The following FSHR variants were observed in gnomAD, a reference collection of about 807,000 sequenced individuals.
The protein encoded by FSHR is follicle stimulating hormone receptor.
In FSHR, 46 loss-of-function variants were observed where a neutral mutation model predicts 52.1. The ratio of observed to expected loss-of-function variants is 0.88; its 90% CI spans 0.70 to 1.13. FSHR has a LOEUF of 1.13. Ranked by LOEUF, FSHR falls within the 50% of genes most tolerant of loss-of-function variation. FSHR has a pLI of 0.00. For missense variants in FSHR, 964 were observed against 834.6 expected (o/e 1.16, Z -1.91); for synonymous variants, 399 against 309.6 (o/e 1.29, Z -3.03).
chr2:48,976,704 G>A (rs1275025483), intron 8 of FSHR, among the ~76,000 whole-genome samples: 1 of 152,140 alleles, frequency 6.6e-6, no homozygotes, highest in Non-Finnish European at 1.5e-5. Flanking sequence ...TCCTGGATTA[G>A]TCTTGGAATG....
chr2:48,990,762 C>T (rs963099792), intron 4 of FSHR, 125 bp from the exon 5 acceptor site: 16 of 718,844 alleles, frequency 2.2e-5, no homozygotes, highest in East Asian at 1.0e-4. Context: ...GAGAAAAGCC[C>T]GTATATACGT....
intron 8 of FSHR, among the ~76,000 whole-genome samples, chr2:48,969,142 T>C (rs1181818743): frequency 1.3e-5 from 2 of 152,194 alleles, no homozygotes; most frequent in Non-Finnish European, 2.9e-5. Context: ...ACTTACATCC[T>C]GGCTAATTTG....
intron 1 of FSHR, among the ~76,000 whole-genome samples, chr2:49,105,449 C>G (rs1428087556): frequency 6.6e-6 from 1 of 152,002 alleles, no homozygotes; most frequent in African/African-American, 2.4e-5. Flanking sequence ...TTTCTTAATG[C>G]CTTAGAAAGT....
chr2:48,995,110 T>C (rs1190705730), intron 4 of FSHR, among the ~76,000 whole-genome samples: 2 of 152,186 alleles, frequency 1.3e-5, no homozygotes, highest in Non-Finnish European at 2.9e-5. Context: ...TGATGGGCTC[T>C]TATTTTTTCT....
At chr2:49,080,021 G>C (rs1003060836) in intron 1 of FSHR, among the ~76,000 whole-genome samples, 1 of 151,984 alleles carries the variant, frequency 6.6e-6, no homozygotes, top group Non-Finnish European at 1.5e-5. Flanking sequence ...AAACAACCCA[G>C]TAGAAAAATT....
chr2:49,065,108 T>C (rs1161768442), intron 2 of FSHR, among the ~76,000 whole-genome samples: 1 of 152,116 alleles, frequency 6.6e-6, no homozygotes, highest in Non-Finnish European at 1.5e-5. Flanking sequence ...GTAATAATAG[T>C]GCTTGGGGAA....
chr2:49,068,380 T>C (rs990441565), intron 1 of FSHR, 90 bp from the exon 2 acceptor site: 5 of 1,063,760 alleles, frequency 4.7e-6, no homozygotes, highest in Admixed American at 1.7e-5. Flanking sequence ...ACAGTTACCA[T>C]ATACTAAGTG....
intron 1 of FSHR, among the ~76,000 whole-genome samples, chr2:49,140,044 T>C (rs1672622937): frequency 6.6e-6 from 1 of 152,180 alleles, no homozygotes; most frequent in African/African-American, 2.4e-5. Flanking sequence ...CTTCTCAGAT[T>C]GTATTACTTA....
chr2:49,069,369 T>C (rs1474411093), intron 1 of FSHR, among the ~76,000 whole-genome samples: 1 of 152,150 alleles, frequency 6.6e-6, no homozygotes, highest in Non-Finnish European at 1.5e-5. Context: ...CCCCATTTGC[T>C]CAAATGTTAC....
chr2:49,002,465 T>G (rs995028610), intron 4 of FSHR, among the ~76,000 whole-genome samples: 2 of 152,090 alleles, frequency 1.3e-5, no homozygotes, highest in Non-Finnish European at 2.9e-5. Context: ...GAGGTTTAAT[T>G]GACACGCAGT....
At chr2:49,127,741 CTTCTTCTTCT>C (rs1672059500) in intron 1 of FSHR, among the ~76,000 whole-genome samples, 2 of 78,352 alleles carry the variant, frequency 2.6e-5, no homozygotes, top group Non-Finnish European at 4.8e-5. Context: ...TGCATGATTT[CTTCTTCTTCT>C]TTCTTCTTCT....
chr2:48,982,424 C>G (rs1675293594), intron 8 of FSHR, among the ~76,000 whole-genome samples: 1 of 152,122 alleles, frequency 6.6e-6, no homozygotes, highest in African/African-American at 2.4e-5. Flanking sequence ...GAAGGAACCT[C>G]CTGAGTGTTG....
intron 4 of FSHR, among the ~76,000 whole-genome samples, chr2:48,994,849 C>T (rs945777544): frequency 6.6e-6 from 1 of 152,152 alleles, no homozygotes; most frequent in Non-Finnish European, 1.5e-5. Context: ...TCCCTCTCTA[C>T]AGCCAGTTTT....
At chr2:49,146,519 T>C (rs1380694504) in intron 1 of FSHR, among the ~76,000 whole-genome samples, 1 of 151,976 alleles carries the variant, frequency 6.6e-6, no homozygotes, top group Non-Finnish European at 1.5e-5. Context: ...AAGAGATGTT[T>C]GTGTGGGGTT....
chr2:49,059,272 A>T (rs1036052650), intron 2 of FSHR, among the ~76,000 whole-genome samples: 2 of 152,218 alleles, frequency 1.3e-5, no homozygotes. Context: ...TAGAAAAAAA[A>T]ATTTAAATTT....
chr2:48,990,471 T>C (rs1675717795), intron 5 of FSHR, 95 bp downstream of exon 5: 1 of 845,132 alleles, frequency 1.2e-6, no homozygotes, highest in African/African-American at 1.7e-5. Context: ...ATTTGGAGGA[T>C]GTAGACTACA....
chr2:49,021,870 T>TATATATATATACATAC (rs1351808720), intron 2 of FSHR, among the ~76,000 whole-genome samples: 1 of 50,322 alleles, frequency 2.0e-5, no homozygotes, highest in African/African-American at 8.4e-5. Context: ...TCTCTATATA[T>TATATATATATACATAC]ATATATATAT....
chr2:49,053,921 T>C (rs1668960858), intron 2 of FSHR, among the ~76,000 whole-genome samples: 1 of 152,182 alleles, frequency 6.6e-6, no homozygotes. Context: ...TAGACCTTAG[T>C]ATTAACATTT....
At chr2:48,994,702 T>C (rs1215803987) in intron 4 of FSHR, among the ~76,000 whole-genome samples, 1 of 152,188 alleles carries the variant, frequency 6.6e-6, no homozygotes, top group African/African-American at 2.4e-5. Flanking sequence ...GTCAAATGAC[T>C]GTTTGCTGCA....
Sources: allele counts gnomAD v4.1 joint callset (sites outside exome capture counted in the v4.1 genomes callset), GRCh38; gene constraint gnomAD v4.1.1; transcripts MANE v1.5; gene names NCBI Gene and HGNC (gene_info 2026-07-23, HGNC 2026-07-21).